Variants in SNAP91 observed in about 807,000 individuals in gnomAD.
SNAP91 encodes clathrin coat assembly protein AP180.
Under a neutral mutation model 100.3 loss-of-function variants are expected in SNAP91, and 27 were observed. That is an observed-to-expected ratio of 0.27 (90% CI 0.20 to 0.37). The LOEUF is 0.37. Among genes scored for constraint, SNAP91 ranks in the 10% least tolerant of loss-of-function variants. The pLI is 1.00. For missense variants in SNAP91, 986 were observed against 1,123.7 expected, an observed-to-expected ratio of 0.88 and a Z score of 1.75; for synonymous variants, 404 against 398.6, an observed-to-expected ratio of 1.01 and a Z score of -0.16.
At chr6:83,588,879 G>T (rs976139230) in intron 22 of SNAP91, among the ~76,000 whole-genome samples, 3 of 152,156 alleles carry the variant, frequency 2.0e-5, no homozygotes, top group African/African-American at 7.2e-5. Flanking sequence ...AGCACTGGAG[G>T]TGGTCAACAG....
intron 5 of SNAP91, among the ~76,000 whole-genome samples, chr6:83,660,530 T>C (rs754926194): frequency 6.6e-6 from 1 of 152,088 alleles, no homozygotes; most frequent in Non-Finnish European, 1.5e-5. Context: ...TATGCACAAA[T>C]GTGTGGCTGA....
intron 2 of SNAP91, among the ~76,000 whole-genome samples, chr6:83,674,052 T>A (rs2098825726): frequency 6.6e-6 from 1 of 152,186 alleles, no homozygotes; most frequent in Non-Finnish European, 1.5e-5. Flanking sequence ...GTCTGAATCA[T>A]GTTTTTTGTT....
intron 8 of SNAP91, among the ~76,000 whole-genome samples, chr6:83,640,409 T>C (rs896635371): frequency 8.5e-5 from 13 of 152,158 alleles, no homozygotes; most frequent in Admixed American, 8.5e-4. Flanking sequence ...AATCAGTTAA[T>C]TGACATGTAA....
chr6:83,680,031 A>T (rs2128903717), intron 2 of SNAP91, among the ~76,000 whole-genome samples: 1 of 152,252 alleles, frequency 6.6e-6, no homozygotes, highest in Middle Eastern at 3.4e-3. Context: ...ACACCTCTTA[A>T]TATCTCTTTA....
chr6:83,573,925 T>G (rs1210484707), intron 26 of SNAP91, among the ~76,000 whole-genome samples: 3 of 152,124 alleles, frequency 2.0e-5, no homozygotes, highest in African/African-American at 7.2e-5. Flanking sequence ...CCAAAAGCAA[T>G]GGCAACAGAA....
In SNAP91 at chr6:83,593,656, AG is replaced by A. The variant is rs2094112665; in HGVS notation, c.1517del (p.Pro506LeufsTer2). ...FAMKPPETSV[P>X]VVTPTASTAP... Reference sequence around the variant, plus strand: ...CTGTGCTAGCTGTAGGGGTAACTACAGGAACACTGGTCTCAGGTGGCTTCAT... The same window carrying A: ...CTGTGCTAGCTGTAGGGGTAACTACAGAACACTGGTCTCAGGTGGCTTCAT... On this transcript the variant is annotated frameshift_variant, in exon 18 of 30. Coordinates refer to ENST00000369694, the MANE Select transcript of SNAP91 (RefSeq NM_001242792.2). LOFTEE classifies it high-confidence loss of function. 6.2e-7 allele frequency: 1 copy of A among 1,613,354 alleles called. No homozygotes were observed. Among genetic ancestry groups the A allele is most frequent in the Non-Finnish European group, 8.5e-7 (1 of 1,179,570 alleles).
chr6:83,681,373 T>C (rs528596582), intron 2 of SNAP91, among the ~76,000 whole-genome samples: 102 of 152,268 alleles, frequency 6.7e-4, no homozygotes, highest in African/African-American at 2.4e-3. Flanking sequence ...CTAGGCCCTG[T>C]GGAACAACAC....
At chr6:83,572,038 G>T (rs1306227184) in intron 26 of SNAP91, among the ~76,000 whole-genome samples, 1 of 152,062 alleles carries the variant, frequency 6.6e-6, no homozygotes, top group Non-Finnish European at 1.5e-5. Flanking sequence ...TGATTGTGAG[G>T]CCTCCCCAGC....
chr6:83,608,160 T>C (rs2095761696), intron 12 of SNAP91, among the ~76,000 whole-genome samples: 1 of 152,144 alleles, frequency 6.6e-6, no homozygotes, highest in Non-Finnish European at 1.5e-5. Context: ...AAATTATCAA[T>C]TGTAATAATT....
chr6:83,673,002 AAGG>A (rs2098809939), intron 2 of SNAP91, among the ~76,000 whole-genome samples: 1 of 152,174 alleles, frequency 6.6e-6, no homozygotes, highest in African/African-American at 2.4e-5. Flanking sequence ...GAGCTTCCAC[AAGG>A]AGAAATGAGA....
intron 7 of SNAP91, among the ~76,000 whole-genome samples, chr6:83,649,264 GC>G (rs1161666803): frequency 6.6e-6 from 1 of 152,162 alleles, no homozygotes; most frequent in Non-Finnish European, 1.5e-5. Flanking sequence ...TGCTGGCCAT[GC>G]CTGTAGCCCT....
chr6:83,630,832 C>T (rs940163174), intron 8 of SNAP91, among the ~76,000 whole-genome samples: 2 of 148,728 alleles, frequency 1.3e-5, no homozygotes, highest in African/African-American at 2.5e-5. Flanking sequence ...TTTGTTTCAA[C>T]TTCATTTAGT....
intron 7 of SNAP91, among the ~76,000 whole-genome samples, chr6:83,641,823 A>C (rs1296546525): frequency 6.6e-6 from 1 of 152,162 alleles, no homozygotes; most frequent in Admixed American, 6.6e-5. Flanking sequence ...TCTCTTTCTC[A>C]ACCTTTAGCT....
intron 16 of SNAP91, among the ~76,000 whole-genome samples, chr6:83,595,816 T>C (rs996787258): frequency 1.3e-5 from 2 of 152,226 alleles, no homozygotes; most frequent in African/African-American, 4.8e-5. Context: ...ACTGTCAAGA[T>C]ACTTGTTTCT....
At chr6:83,707,622 A>G in intron 2 of SNAP91, among the ~76,000 whole-genome samples, 176 bp downstream of exon 2, 1 of 151,834 alleles carries the variant, frequency 6.6e-6, no homozygotes, top group East Asian at 1.9e-4. Flanking sequence ...TCACAAGACA[A>G]GGTTTCATGG....
chr6:83,678,334 C>T (rs763125324), intron 2 of SNAP91, among the ~76,000 whole-genome samples: 4 of 152,092 alleles, frequency 2.6e-5, no homozygotes, highest in Non-Finnish European at 5.9e-5. Context: ...GCTCTAACCA[C>T]AACCCATCAC....
chr6:83,607,783 G>A lies in SNAP91; in HGVS notation c.938C>T (p.Ser313Phe). The A allele has an allele frequency of 6.3e-7, 1 of 1,590,920 alleles. No homozygotes were observed. The highest frequency in any genetic ancestry group is 8.6e-7 in the Non-Finnish European group (1 of 1,168,274). Residue 313 changes from serine to phenylalanine, a missense_variant, in exon 13 of 30, where the codon TCT becomes TTT. Physicochemically the swap from Ser to Phe is radical, Grantham distance 155. Around this residue, in one of 4 missense-constraint regions of SNAP91, gnomAD observed 330 missense variants for 447.5 expected, o/e 0.74. Transcript: ENST00000369694. ...AGTTTTAGCTGGTGTAGAATTAGGA[G>A]ACGTAACAGTTGTGGCTGGAGAAGA... ...SKSSPATTVT[S>F]PNSTPAKTID...
intron 8 of SNAP91, among the ~76,000 whole-genome samples, chr6:83,636,926 T>G (rs1238822293): frequency 2.0e-5 from 3 of 152,106 alleles, no homozygotes; most frequent in African/African-American, 7.2e-5. Flanking sequence ...TTTCAGAGGG[T>G]CAAGGCTCTG....
intron 16 of SNAP91, among the ~76,000 whole-genome samples, chr6:83,599,740 T>C (rs968523814): frequency 6.6e-6 from 1 of 152,162 alleles, no homozygotes; most frequent in Non-Finnish European, 1.5e-5. Flanking sequence ...TCAAAGGATA[T>C]AGGGGCATAA....
Sources: allele counts gnomAD v4.1 joint callset (sites outside exome capture counted in the v4.1 genomes callset), GRCh38; gene constraint gnomAD v4.1.1; regional missense constraint gnomAD v4.1.1; transcripts MANE v1.5; gene names NCBI Gene and HGNC (gene_info 2026-07-23, HGNC 2026-07-21).